Variants in RNF103 observed in about 807,000 individuals in gnomAD.
RNF103 encodes ring finger protein 103.
RNF103 carries 23 observed loss-of-function variants against 66.2 expected under a neutral mutation model. The observed-to-expected ratio is 0.35, with a 90% CI of 0.25 to 0.49. The LOEUF (loss-of-function observed/expected upper bound fraction) is 0.49, where lower values mean the gene tolerates loss of function less well. Among genes scored for constraint, RNF103 ranks in the 20% least tolerant of loss-of-function variants. The pLI, the probability that RNF103 is intolerant of heterozygous loss-of-function variation, is 0.98. For missense variants in RNF103, 730 were observed against 814.7 expected, an observed-to-expected ratio of 0.90 and a Z score of 1.27; for synonymous variants, 297 against 289.9, an observed-to-expected ratio of 1.02 and a Z score of -0.25.
chr2:86,610,072 A>G (rs560594245), intron 3 of RNF103, among the ~76,000 whole-genome samples: 7 of 152,360 alleles, frequency 4.6e-5, no homozygotes, highest in African/African-American at 1.4e-4. Context: ...TGGCAAGAAC[A>G]ATTCTTATTC....
At position 86,604,219 on chromosome 2, in the gene RNF103, A is replaced by G. The variant is rs749420808; in HGVS notation, c.1682T>C (p.Leu561Pro). 6.2e-7 allele frequency: 1 copy of G among 1,613,978 alleles called. No individual in the cohort carries two copies. The highest frequency in any genetic ancestry group is 1.7e-5 in the Admixed American group (1 of 60,002). ...KEVFEDKQSV[L>P]HNSPGTASHC... ...ACTTGCTGTTCCTGGAGAATTGTGA[A>G]GTACGCTTTGCTTATCTTCAAATAC... is the stretch of plus-strand genomic sequence containing the variant. The change falls in exon 4 of 4, where the codon CTT (leucine) becomes CCT (proline). Residue 561 changes from leucine (L) to proline (P), a missense_variant. By Grantham distance (98) the Leu-to-Pro change is moderately conservative. This residue lies in a region of RNF103 where 355 missense variants were observed against 351.9 expected (regional missense o/e 1.01). Transcript: ENST00000237455.
In RNF103 at chr2:86,604,853, T is replaced by C. The variant is rs754553526; in HGVS notation, c.1048A>G (p.Ile350Val). ...MDLFITQGAT[I>V]KRFVVLISTL... ...CTTATGAGAACCACAAATCGCTTTA[T>C]GGTAGCTCCTTGTGTAATAAATAAG... Residue 350 changes from isoleucine (I) to valine (V), a missense_variant, in exon 4 of 4, where the codon ATA becomes GTA. Coordinates refer to ENST00000237455, the MANE Select transcript of RNF103 (RefSeq NM_005667.4). 6 of 1,614,016 alleles carry C rather than the reference T, an allele frequency of 3.7e-6. No individual in the cohort carries two copies. The Admixed American group carries it at 1.0e-4, about 27-fold the overall frequency.
At chr2:86,614,796 G>A (rs1678954856) in intron 2 of RNF103, 1 of 980,636 alleles carries the variant, frequency 1.0e-6, no homozygotes, top group Non-Finnish European at 1.2e-6. Context: ...AGATTAAGAA[G>A]TATCTGTGCA....
rs1429935116 is a variant in RNF103 at position 86,616,953 on chromosome 2, G to A, written c.366+3377C>T. 10 of 985,276 alleles carry A rather than the reference G, an allele frequency of 1.0e-5. No individual in the cohort carries two copies. In the Admixed American group the frequency reaches 6.1e-4, roughly 61 times the overall value. 61.0% of individuals were successfully genotyped at this position (985,276 alleles called of 1,614,324 possible). A position where few individuals can be genotyped will look rare whatever the true frequency, so the allele number is the denominator to read the frequency against. On this transcript the variant is annotated intron_variant, in intron 2 of 3. Transcript: ENST00000237455. ...AAAGAAAAGTAACCATCTTCTATTT[G>A]TAATGCTATGAAGACTGGGGCCAAA...
At chr2:86,613,268 G>A (rs1678872261) in intron 2 of RNF103, 1 of 152,116 alleles carries the variant, frequency 6.6e-6, no homozygotes, top group African/African-American at 2.4e-5. Context: ...AATATGTCAA[G>A]ACTTCTCTTA....
At chr2:86,618,168 T>C (rs1425134414) in intron 2 of RNF103, 1 of 278,630 alleles carries the variant, frequency 3.6e-6, no homozygotes, top group African/African-American at 2.2e-5. Context: ...CTAGAATTTA[T>C]AATGCTACCA....
At position 86,612,245 on chromosome 2, in the gene RNF103, C is replaced by T; in HGVS notation, c.396G>A (p.Val132=). The change falls in exon 3 of 4, where the codon GTG becomes GTA. Residue 132 remains valine (V), a synonymous_variant. Coordinates refer to ENST00000237455, the MANE Select transcript of RNF103 (RefSeq NM_005667.4). ...QVIANDRSPL[V]GKIHWEKMVK... ...CCATTTTCTCCCAGTGAATTTTGCCCACCAAGGGACTTCTGTCATTTGCTA... is the reference window on the plus strand; with the variant it reads ...CCATTTTCTCCCAGTGAATTTTGCCTACCAAGGGACTTCTGTCATTTGCTA... 1.2e-6 allele frequency: 2 copies of T among 1,613,362 alleles called. No homozygotes were observed. The highest frequency in any genetic ancestry group is 1.7e-6 in the Non-Finnish European group (2 of 1,179,662).
At position 86,622,951 on chromosome 2, in the gene RNF103, G is replaced by T. The variant is rs1464327886; in HGVS notation, c.-65C>A. ...ACGGGAGAGAGAAGGGTCGAGGGCGGGGGCCGCGGCTCGGTGGCAGCTTGG... is the reference window on the plus strand; with the variant it reads ...ACGGGAGAGAGAAGGGTCGAGGGCGTGGGCCGCGGCTCGGTGGCAGCTTGG... On this transcript the variant is annotated 5_prime_UTR_variant, in exon 1 of 4. Transcript: ENST00000237455. 13 of 1,502,518 alleles carry T rather than the reference G, an allele frequency of 8.7e-6. No homozygotes were observed. In the Admixed American group the frequency reaches 2.3e-4, roughly 26 times the overall value. The allele number at this position is 1,502,518 out of a possible 1,614,324, so 93.1% of individuals were successfully genotyped here. A position where few individuals can be genotyped will look rare whatever the true frequency, so the allele number is the denominator to read the frequency against.
Position 86,623,246 on chromosome 2 carries a change from C to A in RNF103, c.-360G>T, listed in dbSNP as rs913318297. The stretch of plus-strand genomic sequence containing the variant: ...CGAGGGACGCTTCCCCCGGGGCGGG[C>A]ACTGACCCAGGTGGCGGGGTCGGCC... On this transcript the variant is annotated 5_prime_UTR_variant, in exon 1 of 4. Transcript: ENST00000237455. 9.9e-7 allele frequency: 1 copy of A among 1,006,614 alleles called. No individual in the cohort carries two copies. The highest frequency in any genetic ancestry group is 1.2e-6 in the Non-Finnish European group (1 of 845,484). The allele number at this position is 1,006,614 out of a possible 1,614,324, so 62.4% of individuals were successfully genotyped here. A position where few individuals can be genotyped will look rare whatever the true frequency, so the allele number is the denominator to read the frequency against.
Position 86,623,690 on chromosome 2 carries a change from A to G in RNF103, c.-804T>C. The G allele has an allele frequency of 8.2e-7, 1 of 1,226,652 alleles. No homozygotes were observed. The highest frequency in any genetic ancestry group is 1.0e-6 in the Non-Finnish European group (1 of 961,272). The allele number at this position is 1,226,652 out of a possible 1,614,324, so 76.0% of individuals were successfully genotyped here. ...GAAAAAACCAATAATAGGCCCCGAG[A>G]CTGCTCCTCCAGGCGGCTACCCGGC... On this transcript the variant is annotated 5_prime_UTR_variant, in exon 1 of 4. Transcript: ENST00000237455.
intron 3 of RNF103, among the ~76,000 whole-genome samples, chr2:86,611,068 TG>T (rs1267446648): frequency 2.0e-5 from 3 of 151,294 alleles, no homozygotes; most frequent in Non-Finnish European, 4.4e-5. Flanking sequence ...CCCAGCTACT[TG>T]GAATGCTGAG....
rs1678461964 is a variant in RNF103 at position 86,604,340 on chromosome 2, C to T, written c.1561G>A (p.Gly521Arg). ...NLPMWRFKCL[G>R]VQSEEEMSEG... ...GACATTTCCTCTTCAGACTGGACTC[C>T]AAGACATTTAAATCGCCACATTGGT... Residue 521 changes from glycine to arginine, a missense_variant, in exon 4 of 4, where the codon GGA (glycine) becomes AGA (arginine). By Grantham distance (125) the Gly-to-Arg change is moderately radical (BLOSUM62 -2). Coordinates refer to ENST00000237455, the MANE Select transcript of RNF103 (RefSeq NM_005667.4). The T allele has an allele frequency of 1.2e-6, 2 of 1,614,148 alleles. No homozygotes were observed. Among genetic ancestry groups the T allele is most frequent in the Non-Finnish European group, 1.7e-6 (2 of 1,180,032 alleles).
chr2:86,612,139 G>C lies in RNF103; in HGVS notation c.482+20C>G. On this transcript the variant is annotated intron_variant, in intron 3 of 3. Transcript: ENST00000237455. ...ATCCTGGTCAGGACTCAAATTCTAA[G>C]AATTGCCTAATCAACTTACCTGGGA... The C allele has an allele frequency of 6.6e-7, 1 of 1,524,136 alleles. No individual in the cohort carries two copies. Among genetic ancestry groups the C allele is most frequent in the East Asian group, 2.3e-5 (1 of 44,318 alleles). 94.4% of individuals were successfully genotyped at this position (1,524,136 alleles called of 1,614,324 possible).
In RNF103 at chr2:86,604,240, A is replaced by G. The variant is rs774548208; in HGVS notation, c.1661T>C (p.Phe554Ser). Reference protein sequence around the residue: ...TDTLSSEKEVFEDKQSVLHNS... With the variant: ...TDTLSSEKEVSEDKQSVLHNS... ...GTGAAGTACGCTTTGCTTATCTTCA[A>G]ATACTTCCTTCTCACTACTCAAAGT... The change falls in exon 4 of 4, where the codon TTT (phenylalanine) becomes TCT (serine). Residue 554 changes from phenylalanine (F) to serine (S), a missense_variant. Phe to Ser is a radical substitution (Grantham distance 155). Transcript: ENST00000237455. 8.7e-6 allele frequency: 14 copies of G among 1,614,024 alleles called. No homozygotes were observed. Among genetic ancestry groups the G allele is most frequent in the Non-Finnish European group, 1.2e-5 (14 of 1,180,036 alleles).
rs549267694 is a variant in RNF103 at position 86,608,304 on chromosome 2, T to C, written c.483-2886A>G. Among the ~76,000 whole-genome samples, 187 of 151,974 alleles carry C rather than the reference T, an allele frequency of 1.2e-3. 1 individual carries two copies. The highest frequency in any genetic ancestry group is 6.8e-3 in the Middle Eastern group (2 of 292). On this transcript the variant is annotated intron_variant, in intron 3 of 3. Transcript: ENST00000237455. ...GAGTTTGAGAACAGTCTGGCCAACA[T>C]GGTGAAACGCTGTCTCTACTGAAAA...
At chr2:86,607,243 T>C (rs894300604) in intron 3 of RNF103, among the ~76,000 whole-genome samples, 3 of 152,238 alleles carry the variant, frequency 2.0e-5, no homozygotes, top group African/African-American at 4.8e-5. Flanking sequence ...GTAAAAGTCA[T>C]AGATGTTATG....
At chr2:86,607,651 T>C (rs1330546104) in intron 3 of RNF103, among the ~76,000 whole-genome samples, 8 of 152,250 alleles carry the variant, frequency 5.3e-5, no homozygotes, top group Admixed American at 2.0e-4. Context: ...ATGAATTCTA[T>C]TTTTACCGTA....
At chr2:86,618,242 C>T (rs966625832) in intron 2 of RNF103, 2 of 250,082 alleles carry the variant, frequency 8.0e-6, no homozygotes, top group African/African-American at 4.6e-5. Flanking sequence ...TTGCCACTCT[C>T]ATCTCCTTAA....
In RNF103 at chr2:86,623,711, C is replaced by T. The variant is rs1321412069; in HGVS notation, c.-825G>A. 2.4e-6 allele frequency: 3 copies of T among 1,246,478 alleles called. No homozygotes were observed. In the Admixed American group the frequency reaches 8.1e-5, roughly 34 times the overall value. 77.2% of individuals were successfully genotyped at this position (1,246,478 alleles called of 1,614,324 possible). On this transcript the variant is annotated 5_prime_UTR_variant, in exon 1 of 4. Transcript: ENST00000237455. ...CGAGACTGCTCCTCCAGGCGGCTAC[C>T]CGGCTGCCTCCCGGCCACTCAGCGC... is the stretch of plus-strand genomic sequence containing the variant.
Sources: gnomAD v4.1 joint callset for allele counts (sites outside exome capture counted in the v4.1 genomes callset) on GRCh38, gnomAD v4.1.1 for gene constraint, gnomAD v4.1.1 regional missense constraint, MANE v1.5 for transcripts, NCBI Gene and HGNC (gene_info 2026-07-23, HGNC 2026-07-21) for gene names.